Variants in EVA1C observed in about 807,000 individuals in gnomAD.
EVA1C encodes the protein protein eva-1 homolog C.
EVA1C carries 25 observed loss-of-function variants against 45.4 expected under a neutral mutation model. The ratio of observed to expected loss-of-function variants is 0.55; its 90% CI spans 0.40 to 0.77. The LOEUF (loss-of-function observed/expected upper bound fraction) is 0.77. Ranked by LOEUF, EVA1C falls within the 30% of genes least tolerant of loss-of-function variation. EVA1C has a pLI of 0.00. For missense variants in EVA1C, 479 were observed against 554.8 expected, an observed-to-expected ratio of 0.86 and a Z score of 1.37; for synonymous variants, 190 against 221.2, an observed-to-expected ratio of 0.86 and a Z score of 1.25.
intron 7 of EVA1C, among the ~76,000 whole-genome samples, chr21:32,512,739 T>C (rs983413595): frequency 1.3e-5 from 2 of 152,232 alleles, no homozygotes; most frequent in Non-Finnish European, 1.5e-5. Context: ...GCAGCATCAC[T>C]GGCAGTGGGG....
intron 1 of EVA1C, among the ~76,000 whole-genome samples, chr21:32,422,804 G>C (rs2034331890): frequency 1.3e-5 from 2 of 152,170 alleles, no homozygotes. Flanking sequence ...GTCAGGTGCA[G>C]TGGCTCACAT....
chr21:32,419,408 T>C (rs1429192667), intron 1 of EVA1C, among the ~76,000 whole-genome samples: 2 of 152,204 alleles, frequency 1.3e-5, no homozygotes, highest in East Asian at 1.9e-4. Context: ...CCAGTACCTA[T>C]TGGGTTTTAA....
At position 32,453,529 on chromosome 21, in the gene EVA1C, G is replaced by A. The variant is rs766430072; in HGVS notation, c.357+21G>A. ...TCCAGGTATTGCCTTTTGTAGACAT[G>A]TTAAGATGATACAGTTTCAACACAC... On this transcript the variant is annotated intron_variant, in intron 2 of 7. Transcript: ENST00000300255. 2.6e-6 allele frequency: 4 copies of A among 1,541,368 alleles called. No homozygotes were observed. The South Asian group carries it at 4.5e-5, about 17-fold the overall frequency.
intron 1 of EVA1C, 26 bp from the exon 2 acceptor site, chr21:32,453,286 T>C: frequency 3.2e-6 from 5 of 1,567,322 alleles, no homozygotes; most frequent in Non-Finnish European, 3.5e-6. Context: ...CCTGGGCCTC[T>C]AGTAACTCGA....
chr21:32,469,618 A>C (rs2036300327), intron 4 of EVA1C, among the ~76,000 whole-genome samples: 1 of 152,192 alleles, frequency 6.6e-6, no homozygotes, highest in African/African-American at 2.4e-5. Flanking sequence ...ATTAGTTCAC[A>C]GGGTGGTAGG....
At chr21:32,499,797 T>G (rs1310217781) in intron 5 of EVA1C, among the ~76,000 whole-genome samples, 1 of 152,208 alleles carries the variant, frequency 6.6e-6, no homozygotes, top group Non-Finnish European at 1.5e-5. Context: ...TCTCCCAGCC[T>G]GCGGCAGTGT....
At chr21:32,467,913 T>TAG in intron 4 of EVA1C, 65 bp downstream of exon 4, 14 of 1,008,332 alleles carry the variant, frequency 1.4e-5, no homozygotes, top group Non-Finnish European at 1.7e-5. Flanking sequence ...AGAATATATA[T>TAG]ATATATATCC....
Position 32,412,903 on chromosome 21 carries a change from A to G in EVA1C, c.50A>G (p.Gln17Arg). ...ARQPPTPQPV[Q>R]HPGLRRQVEP... Reference sequence around the variant, plus strand: ...CAACCGCCGACGCCCCAGCCCGTGCAGCATCCCGGCCTCCGCCGGCAGGTA... The same window carrying G: ...CAACCGCCGACGCCCCAGCCCGTGCGGCATCCCGGCCTCCGCCGGCAGGTA... Residue 17 changes from glutamine (Q) to arginine (R), a missense_variant, in exon 1 of 8, where the codon CAG (glutamine) becomes CGG (arginine). Physicochemically the swap from Gln to Arg is conservative, Grantham distance 43. This residue lies in a region of EVA1C where 80 missense variants were observed against 63.8 expected (regional missense o/e 1.25). Transcript: ENST00000300255. 1 of 1,516,762 alleles carries G rather than the reference A, an allele frequency of 6.6e-7. No individual in the cohort carries two copies. Among genetic ancestry groups the G allele is most frequent in the Non-Finnish European group, 8.8e-7 (1 of 1,135,578 alleles). 94.0% of individuals were successfully genotyped at this position (1,516,762 alleles called of 1,614,324 possible).
chr21:32,514,752 CT>C, intron 7 of EVA1C, 61 bp from the exon 8 acceptor site: 1 of 1,488,246 alleles, frequency 6.7e-7, no homozygotes, highest in Non-Finnish European at 8.9e-7. Flanking sequence ...TTCTGTGGGA[CT>C]TGGCACTGGT....
chr21:32,426,130 G>T (rs2034477998), intron 1 of EVA1C, among the ~76,000 whole-genome samples: 1 of 152,132 alleles, frequency 6.6e-6, no homozygotes, highest in South Asian at 2.1e-4. Flanking sequence ...CTCTAGCCCA[G>T]TGGGGTTTTA....
intron 1 of EVA1C, among the ~76,000 whole-genome samples, chr21:32,448,299 A>T (rs2035438726): frequency 6.6e-6 from 1 of 152,232 alleles, no homozygotes; most frequent in Non-Finnish European, 1.5e-5. Flanking sequence ...TGAGTTATCC[A>T]GGGCTCCATG....
intron 1 of EVA1C, among the ~76,000 whole-genome samples, chr21:32,426,179 G>A (rs1473812931): frequency 1.3e-5 from 2 of 152,088 alleles, no homozygotes; most frequent in Non-Finnish European, 2.9e-5. Flanking sequence ...CAAGGACCTT[G>A]TCTATGTGTT....
rs552084828 is a variant in EVA1C, at chr21:32,504,841, A to AAAG, written c.949+828_949+830dup. 2.0e-4 allele frequency among the ~76,000 whole-genome samples: 31 copies of AAAG among 152,256 alleles called. No individual in the cohort carries two copies. In the South Asian group the frequency reaches 4.6e-3, roughly 22 times the overall value. ...ATTTGTCTGTTCTCATGCTATTAATAAAGACATACCTGAGGCTGGGTAATT... is the reference window on the plus strand; with the variant it reads ...ATTTGTCTGTTCTCATGCTATTAATAAAGAAGACATACCTGAGGCTGGGTAATT... On this transcript the variant is annotated intron_variant, in intron 7 of 7. Coordinates refer to ENST00000300255, the MANE Select transcript of EVA1C (RefSeq NM_058187.5).
chr21:32,507,949 TTGTGTG>T (rs56001680), intron 7 of EVA1C, among the ~76,000 whole-genome samples: 5 of 149,544 alleles, frequency 3.3e-5, no homozygotes, highest in African/African-American at 4.9e-5. Flanking sequence ...GTATGTGTGT[TTGTGTG>T]TGTGTGTATC....
intron 5 of EVA1C, among the ~76,000 whole-genome samples, chr21:32,495,434 G>A (rs2037318740): frequency 6.6e-6 from 1 of 152,168 alleles, no homozygotes; most frequent in African/African-American, 2.4e-5. Context: ...CAATGGGGAG[G>A]GTGGAGAAGG....
intron 2 of EVA1C, among the ~76,000 whole-genome samples, chr21:32,457,231 C>T (rs142246553): frequency 0.015 from 2,223 of 152,248 alleles, 63 homozygotes; most frequent in African/African-American, 0.051. Flanking sequence ...GGACCCCGCT[C>T]GAAGGGGACC....
intron 1 of EVA1C, among the ~76,000 whole-genome samples, chr21:32,440,654 C>T (rs768022545): frequency 4.6e-5 from 7 of 152,104 alleles, no homozygotes; most frequent in Non-Finnish European, 1.0e-4. Context: ...TCTCTCTTTC[C>T]GTAGATGTGT....
intron 1 of EVA1C, among the ~76,000 whole-genome samples, chr21:32,416,327 T>A (rs76652934): frequency 7.5e-5 from 5 of 66,830 alleles, no homozygotes; most frequent in South Asian, 6.9e-4. Flanking sequence ...TTTTCTTTTT[T>A]TTTTTTTTTT....
At chr21:32,434,701 G>T (rs1422582566) in intron 1 of EVA1C, among the ~76,000 whole-genome samples, 1 of 152,198 alleles carries the variant, frequency 6.6e-6, no homozygotes, top group East Asian at 1.9e-4. Context: ...CAGGGAGAAG[G>T]CCACATGAAG....
Sources: gnomAD v4.1 joint callset for allele counts (sites outside exome capture counted in the v4.1 genomes callset) on GRCh38, gnomAD v4.1.1 for gene constraint, gnomAD v4.1.1 regional missense constraint, MANE v1.5 for transcripts, NCBI Gene and HGNC (gene_info 2026-07-23, HGNC 2026-07-21) for gene names.